Variants in FHAD1 observed in about 807,000 individuals in gnomAD.
The protein encoded by FHAD1 is forkhead associated phosphopeptide binding domain 1.
A neutral mutation model predicts 191.3 loss-of-function variants in FHAD1; 146 were observed. The observed-to-expected ratio is 0.76, with a 90% confidence interval of 0.67 to 0.88. The LOEUF (loss-of-function observed/expected upper bound fraction) is 0.88. Among genes scored for constraint, FHAD1 ranks in the 40% least tolerant of loss-of-function variants. The probability of loss-of-function intolerance (pLI) is 0.00; values close to 1 mark genes in which losing one functional copy is unlikely to be tolerated. For synonymous variants in FHAD1, 616 were observed against 672.3 expected, an observed-to-expected ratio of 0.92 and a Z score of 1.29; for missense variants, 1,635 against 1,785.8, an observed-to-expected ratio of 0.92 and a Z score of 1.52.
intron 2 of FHAD1, among the ~76,000 whole-genome samples, chr1:15,267,778 A>G (rs1473967384): frequency 7.1e-6 from 1 of 141,170 alleles, no homozygotes; most frequent in African/African-American, 2.5e-5. Context: ...TATAAATAAT[A>G]TATAAAATAA....
chr1:15,401,218 G>A (rs919403814), downstream of FHAD1, among the ~76,000 whole-genome samples: 2 of 152,234 alleles, frequency 1.3e-5, no homozygotes, highest in African/African-American at 4.8e-5. Context: ...GCTATGCAAA[G>A]CTGAAGAGTC....
chr1:15,355,208 C>CAAA (rs58614945), intron 20 of FHAD1, among the ~76,000 whole-genome samples: 1 of 100,658 alleles, frequency 9.9e-6, no homozygotes, highest in Non-Finnish European at 2.2e-5. Flanking sequence ...GACTCCTTCT[C>CAAA]AAAAAAAAAA....
chr1:15,251,727 G>A, intron 1 of FHAD1, 44 bp from the exon 2 acceptor site: 1 of 1,409,474 alleles, frequency 7.1e-7, no homozygotes, highest in Non-Finnish European at 9.7e-7. Flanking sequence ...AATAATTAGA[G>A]AACTACATTT....
Position 15,395,174 on chromosome 1 carries a change from C to A in FHAD1, c.4324-2123C>A, listed in dbSNP as rs189762962. 1.7e-3 allele frequency among the ~76,000 whole-genome samples: 265 copies of A among 152,054 alleles called. 2 individuals carry two copies. Among genetic ancestry groups the A allele is most frequent in the Non-Finnish European group, 3.2e-3 (218 of 67,998 alleles). On this transcript the variant is annotated intron_variant, in intron 33 of 33. Transcript: ENST00000688493. ...AAAAAATACAAAAAAATTAGCCGGGCATGCTGGCGGGCACCTGTTGTCCCA... is the reference window on the plus strand; with the variant it reads ...AAAAAATACAAAAAAATTAGCCGGGAATGCTGGCGGGCACCTGTTGTCCCA...
At chr1:15,298,997 G>T (rs758918749) in intron 5 of FHAD1, among the ~76,000 whole-genome samples, 1 of 147,510 alleles carries the variant, frequency 6.8e-6, no homozygotes, top group African/African-American at 2.5e-5. Flanking sequence ...AGTAAGACTC[G>T]ATTTCTGCAA....
chr1:15,391,826 G>C (rs565898586), intron 33 of FHAD1, among the ~76,000 whole-genome samples: 1 of 152,310 alleles, frequency 6.6e-6, no homozygotes, highest in East Asian at 1.9e-4. Context: ...CTGCTGCTCT[G>C]GGTGTTAGGA....
chr1:15,361,935 C>T (rs1026193525), intron 22 of FHAD1, among the ~76,000 whole-genome samples: 4 of 150,894 alleles, frequency 2.7e-5, no homozygotes, highest in African/African-American at 9.8e-5. Context: ...ACCCGGGAGG[C>T]GGAGCTTGCA....
At position 15,391,274 on chromosome 1, in the gene FHAD1, A is replaced by G; in HGVS notation, c.4323+11A>G. On this transcript the variant is annotated intron_variant, in intron 33 of 33. Transcript: ENST00000688493. ...AACTCAAATTCCCAGGTGAGCAGAA[A>G]GAGCATCCTTTAGAATTCTCTTTTT... 1 of 1,283,896 alleles carries G rather than the reference A, an allele frequency of 7.8e-7. No homozygotes were observed. Among genetic ancestry groups the G allele is most frequent in the Non-Finnish European group, 1.0e-6 (1 of 984,292 alleles). 79.5% of individuals were successfully genotyped at this position (1,283,896 alleles called of 1,614,324 possible). A position where few individuals can be genotyped will look rare whatever the true frequency, so the allele number is the denominator to read the frequency against.
intron 19 of FHAD1, 24 bp downstream of exon 19, chr1:15,349,173 T>A (rs1375330800): frequency 2.6e-6 from 4 of 1,509,998 alleles, no homozygotes; most frequent in Non-Finnish European, 3.6e-6. Flanking sequence ...CAGGAAAGAA[T>A]CCTCTGGAAG....
chr1:15,391,953 C>A (rs1704164428), intron 33 of FHAD1, among the ~76,000 whole-genome samples: 1 of 152,184 alleles, frequency 6.6e-6, no homozygotes, highest in Non-Finnish European at 1.5e-5. Context: ...CTGGAGCAGG[C>A]AGACACTGCC....
At chr1:15,380,294 G>C (rs1005094705) in intron 28 of FHAD1, among the ~76,000 whole-genome samples, 4 of 152,124 alleles carry the variant, frequency 2.6e-5, no homozygotes, top group African/African-American at 9.7e-5. Context: ...GGCATGTGTG[G>C]ATGTCTAGTA....
intron 14 of FHAD1, among the ~76,000 whole-genome samples, chr1:15,333,440 G>C (rs563500269): frequency 1.3e-5 from 2 of 152,280 alleles, no homozygotes; most frequent in Non-Finnish European, 2.9e-5. Flanking sequence ...TTATATTCTA[G>C]ATACGGTTCT....
rs770360518 is a variant in FHAD1 at position 15,375,132 on chromosome 1, A to G, written c.3578-471A>G. 2.8e-4 allele frequency among the ~76,000 whole-genome samples: 43 copies of G among 152,178 alleles called. 1 individual carries two copies. The highest frequency in any genetic ancestry group is 2.3e-3 in the Admixed American group (35 of 15,272). On this transcript the variant is annotated intron_variant, in intron 27 of 33. Transcript: ENST00000688493. ...CAGCCTCCCAAAGTGCTGAGATTAC[A>G]GGCGAGAGCCACCACACCCAGCCTA...
rs1040925388 is a variant in FHAD1 at position 15,387,995 on chromosome 1, G to T, written c.4189-56G>T. On this transcript the variant is annotated intron_variant, in intron 31 of 33. Coordinates refer to ENST00000688493, the MANE Select transcript of FHAD1 (RefSeq NM_001391957.1). Reference sequence around the variant, plus strand: ...TCAGAGGCCTGTCCCAGATTGGAACGGGTAAGGACACACTAAGGTTAGCAC... The same window carrying T: ...TCAGAGGCCTGTCCCAGATTGGAACTGGTAAGGACACACTAAGGTTAGCAC... 5.0e-6 allele frequency: 5 copies of T among 1,008,386 alleles called. No homozygotes were observed. The African/African-American group carries it at 8.3e-5, about 17-fold the overall frequency. 62.5% of individuals were successfully genotyped at this position (1,008,386 alleles called of 1,614,324 possible). A position where few individuals can be genotyped will look rare whatever the true frequency, so the allele number is the denominator to read the frequency against.
chr1:15,384,988 C>T (rs897756899), intron 31 of FHAD1, among the ~76,000 whole-genome samples: 1 of 152,160 alleles, frequency 6.6e-6, no homozygotes, highest in African/African-American at 2.4e-5. Context: ...CACTCATCCC[C>T]CCTATTCCTT....
At chr1:15,364,100 A>G (rs1017136034) in intron 23 of FHAD1, 2 of 236,132 alleles carry the variant, frequency 8.5e-6, no homozygotes, top group Non-Finnish European at 1.7e-5. Context: ...GCGTGTGAAC[A>G]TGCTTGAATT....
chr1:15,251,814 C>CT lies in FHAD1; in HGVS notation c.36dup (p.Val13CysfsTer4), dbSNP rs1381422022. On this transcript the variant is annotated frameshift_variant, in exon 2 of 34. Transcript: ENST00000688493. LOFTEE classifies it high-confidence loss of function. ...AGGCCTATCTAAAGAGCGCAGAAGGCTTTTTTGTCCTAAATAAAAGTACCA... is the reference window on the plus strand; with the variant it reads ...AGGCCTATCTAAAGAGCGCAGAAGGCTTTTTTTGTCCTAAATAAAAGTACCA... 1 of 1,552,166 alleles carries CT rather than the reference C, an allele frequency of 6.4e-7. No homozygotes were observed. Among genetic ancestry groups the CT allele is most frequent in the Non-Finnish European group, 8.7e-7 (1 of 1,147,088 alleles).
chr1:15,264,216 G>T (rs1229319804), intron 2 of FHAD1, among the ~76,000 whole-genome samples: 3 of 152,156 alleles, frequency 2.0e-5, no homozygotes, highest in Admixed American at 6.5e-5. Flanking sequence ...TCTGTAGGTT[G>T]CTTGGGTAGT....
chr1:15,366,504 T>G (rs1199658465), intron 24 of FHAD1, among the ~76,000 whole-genome samples: 3 of 152,172 alleles, frequency 2.0e-5, no homozygotes, highest in Non-Finnish European at 4.4e-5. Context: ...AACTTACTTC[T>G]TCAGGGATAA....
Sources: gnomAD v4.1 joint callset for allele counts (sites outside exome capture counted in the v4.1 genomes callset) on GRCh38, gnomAD v4.1.1 for gene constraint, MANE v1.5 for transcripts, NCBI Gene and HGNC (gene_info 2026-07-23, HGNC 2026-07-21) for gene names.